The following KIF21A variants were observed in gnomAD, a reference collection of about 807,000 sequenced individuals.
KIF21A encodes kinesin-like protein KIF21A.
A neutral mutation model predicts 202.9 loss-of-function variants in KIF21A; 114 were observed. The observed-to-expected ratio is 0.56, with a 90% confidence interval of 0.48 to 0.66. The LOEUF is 0.66. Ranked by LOEUF, KIF21A falls within the 30% of genes least tolerant of loss-of-function variation. The pLI, the probability that KIF21A is intolerant of heterozygous loss-of-function variation, is 0.00. For synonymous variants in KIF21A, 667 were observed against 670.8 expected, an observed-to-expected ratio of 0.99 and a Z score of 0.09; for missense variants, 1,677 against 1,994.9, an observed-to-expected ratio of 0.84 and a Z score of 3.04.
At position 39,369,930 on chromosome 12, in the gene KIF21A, A is replaced by G. The variant is rs977271462; in HGVS notation, c.268-19T>C. The G allele has an allele frequency of 1.9e-6, 3 of 1,608,596 alleles. No homozygotes were observed. Among genetic ancestry groups the G allele is most frequent in the Non-Finnish European group, 2.6e-6 (3 of 1,175,388 alleles). On this transcript the variant is annotated intron_variant, in intron 2 of 37. Transcript: ENST00000361418. The stretch of plus-strand genomic sequence containing the variant: ...CTCCAGTCTAAACAAAAGAACAGAG[A>G]AAGATTAGTGTTCAACCTTAACATA...
chr12:39,443,120 T>TG, upstream of KIF21A: 1 of 757,568 alleles, frequency 1.3e-6, no homozygotes, highest in Non-Finnish European at 1.9e-6. Flanking sequence ...GTTGGGCGAC[T>TG]GAATGGAAAG....
chr12:39,334,883 C>T (rs1164495600), intron 17 of KIF21A, among the ~76,000 whole-genome samples: 4 of 152,150 alleles, frequency 2.6e-5, no homozygotes, highest in Non-Finnish European at 5.9e-5. Flanking sequence ...CAGTATTGGT[C>T]TCCCTTATCT....
chr12:39,368,514 T>C (rs544657262), intron 3 of KIF21A, among the ~76,000 whole-genome samples: 12 of 152,278 alleles, frequency 7.9e-5, no homozygotes, highest in South Asian at 4.1e-4. Flanking sequence ...GTATCAATAG[T>C]GGCTGAAAAA....
At chr12:39,364,750 T>C (rs1229475401) in intron 6 of KIF21A, among the ~76,000 whole-genome samples, 1 of 152,222 alleles carries the variant, frequency 6.6e-6, no homozygotes, top group Non-Finnish European at 1.5e-5. Context: ...AAATTGCCCT[T>C]GTTCATTCCT....
chr12:39,325,703 C>T, intron 26 of KIF21A, 136 bp downstream of exon 26: 1 of 657,166 alleles, frequency 1.5e-6, no homozygotes, highest in East Asian at 2.7e-5. Context: ...ATTAAAAAAA[C>T]TAAATAAAGA....
At chr12:39,357,136 T>C (rs546107253) in intron 9 of KIF21A, 112 bp downstream of exon 9, 6 of 929,714 alleles carry the variant, frequency 6.5e-6, no homozygotes, top group South Asian at 4.2e-5. Flanking sequence ...ACAGACTGTA[T>C]ACACAGAGAC....
intron 3 of KIF21A, among the ~76,000 whole-genome samples, chr12:39,368,748 A>T (rs1478699873): frequency 6.6e-6 from 1 of 152,088 alleles, no homozygotes; most frequent in Non-Finnish European, 1.5e-5. Flanking sequence ...AAAAAAAAAA[A>T]ACTGATACTA....
intron 33 of KIF21A, among the ~76,000 whole-genome samples, chr12:39,308,242 G>A (rs910688154): frequency 6.6e-6 from 1 of 151,818 alleles, no homozygotes; most frequent in South Asian, 2.1e-4. Flanking sequence ...ACAAAAATTA[G>A]CTGGGGGTGG....
chr12:39,441,660 T>TTAAAAAAAA (rs767481998), intron 1 of KIF21A, among the ~76,000 whole-genome samples: 1 of 37,788 alleles, frequency 2.6e-5, no homozygotes, highest in African/African-American at 1.0e-4. Flanking sequence ...CCCTGGGTGG[T>TTAAAAAAAA]AAAAAAAAAA....
chr12:39,317,243 T>C (rs1944653152), intron 29 of KIF21A, among the ~76,000 whole-genome samples: 1 of 152,190 alleles, frequency 6.6e-6, no homozygotes, highest in South Asian at 2.1e-4. Context: ...TCTAAGTTTA[T>C]AGAGCCATTT....
intron 16 of KIF21A, 96 bp downstream of exon 16, chr12:39,340,069 C>T (rs1459881940): frequency 3.1e-6 from 3 of 957,620 alleles, no homozygotes; most frequent in African/African-American, 3.3e-5. Flanking sequence ...TTACCTTTAT[C>T]GAATATGGAA....
At chr12:39,382,766 A>T (rs1039427001) in intron 1 of KIF21A, among the ~76,000 whole-genome samples, 1 of 152,178 alleles carries the variant, frequency 6.6e-6, no homozygotes, top group Non-Finnish European at 1.5e-5. Flanking sequence ...TCCCAAAAAA[A>T]CAATTAACAA....
At position 39,294,143 on chromosome 12, in the gene KIF21A, TG is replaced by T. The variant is rs1252551459; in HGVS notation, c.*280del. ...CTTGGTAATTCAAATAATTTGAAAGTGTGTTTTATAGATAGGCACAAAAATT... is the reference window on the plus strand; with the variant it reads ...CTTGGTAATTCAAATAATTTGAAAGTTGTTTTATAGATAGGCACAAAAATT... On this transcript the variant is annotated 3_prime_UTR_variant, in exon 38 of 38. Transcript: ENST00000361418. The T allele has an allele frequency of 3.2e-6, 1 of 315,058 alleles. No homozygotes were observed. The highest frequency in any genetic ancestry group is 5.9e-6 in the Non-Finnish European group (1 of 168,296). 19.5% of individuals were successfully genotyped at this position (315,058 alleles called of 1,614,324 possible).
intron 1 of KIF21A, among the ~76,000 whole-genome samples, chr12:39,391,910 T>C (rs749070493): frequency 6.6e-6 from 1 of 152,032 alleles, no homozygotes; most frequent in Non-Finnish European, 1.5e-5. Flanking sequence ...GGCTAATTTT[T>C]TGTATTTTTA....
intron 10 of KIF21A, 151 bp from the exon 11 acceptor site, chr12:39,352,131 T>A: frequency 1.5e-6 from 1 of 661,928 alleles, no homozygotes; most frequent in South Asian, 1.8e-5. Flanking sequence ...CCACCATCCA[T>A]CTCCAGAAAT....
intron 29 of KIF21A, among the ~76,000 whole-genome samples, chr12:39,317,261 T>C (rs1565719911): frequency 6.6e-6 from 1 of 152,150 alleles, no homozygotes. Context: ...TTTAAAATGA[T>C]CTAAACATGC....
At chr12:39,376,969 T>C (rs1031279357) in intron 1 of KIF21A, among the ~76,000 whole-genome samples, 1 of 152,184 alleles carries the variant, frequency 6.6e-6, no homozygotes, top group African/African-American at 2.4e-5. Flanking sequence ...GAAAGTACTA[T>C]TGTCCTTAAT....
intron 16 of KIF21A, 70 bp downstream of exon 16, chr12:39,340,095 G>T (rs1592231741): frequency 4.2e-6 from 5 of 1,197,212 alleles, no homozygotes; most frequent in Non-Finnish European, 4.9e-6. Context: ...CACAAGAGTT[G>T]TTTATTTTTT....
In KIF21A at chr12:39,358,354, A is replaced by G; in HGVS notation, c.1039T>C (p.Cys347Arg). Residue 347 changes from cysteine (C) to arginine (R), a missense_variant, in exon 8 of 38, where the codon TGT becomes CGT. Coordinates refer to ENST00000361418, the MANE Select transcript of KIF21A (RefSeq NM_001173464.2). Reference sequence around the variant, plus strand: ...AAGTCTCTGTCTGAAGGGCTGACACATGCTATCATGATTGTTTGGCTGAAA... The same window carrying G: ...AAGTCTCTGTCTGAAGGGCTGACACGTGCTATCATGATTGTTTGGCTGAAA... The part of the protein sequence containing the change: ...GGNSQTIMIA[C>R]VSPSDRDFME... 6.2e-7 allele frequency: 1 copy of G among 1,614,120 alleles called. No individual in the cohort carries two copies.
Sources: gnomAD v4.1 joint callset for allele counts (sites outside exome capture counted in the v4.1 genomes callset) on GRCh38, gnomAD v4.1.1 for gene constraint, MANE v1.5 for transcripts, NCBI Gene and HGNC (gene_info 2026-07-23, HGNC 2026-07-21) for gene names.